The following NAV2 variants were observed in gnomAD, a reference collection of about 807,000 sequenced individuals.
NAV2 encodes neuron navigator 2, also known as helicase, APC down-regulated 1.
Under a neutral mutation model 223.2 loss-of-function variants are expected in NAV2, and 54 were observed. The ratio of observed to expected loss-of-function variants is 0.24; its 90% CI spans 0.19 to 0.30. The LOEUF (loss-of-function observed/expected upper bound fraction) is 0.30, where lower values mean the gene tolerates loss of function less well. Among genes scored for constraint, NAV2 ranks in the 10% least tolerant of loss-of-function variants. NAV2 has a pLI of 1.00. For synonymous variants in NAV2, 1,279 were observed against 1,239.3 expected (o/e 1.03, Z -0.67); for missense variants, 2,806 against 3,147.5 (o/e 0.89, Z 2.60).
At chr11:19,894,107 T>C (rs891069137) in intron 6 of NAV2, among the ~76,000 whole-genome samples, 1 of 152,238 alleles carries the variant, frequency 6.6e-6, no homozygotes, top group Non-Finnish European at 1.5e-5. Context: ...AGCTAAACTT[T>C]ATGAGTACCT....
At chr11:19,898,606 T>C (rs1305512885) in intron 6 of NAV2, among the ~76,000 whole-genome samples, 1 of 152,232 alleles carries the variant, frequency 6.6e-6, no homozygotes, top group Non-Finnish European at 1.5e-5. Context: ...TTATGTTGTT[T>C]CCAATTTTTT....
chr11:19,350,692 C>T (rs1007588488), upstream of NAV2: 12 of 503,156 alleles, frequency 2.4e-5, no homozygotes, highest in Middle Eastern at 1.1e-3. Context: ...TGAAGCGAGT[C>T]TCAGACCTAA....
intron 4 of NAV2, among the ~76,000 whole-genome samples, chr11:19,872,451 CT>C (rs1183920273): frequency 6.6e-6 from 1 of 152,266 alleles, no homozygotes; most frequent in East Asian, 1.9e-4. Flanking sequence ...GTGTGTGCTA[CT>C]GCACATTACT....
At chr11:19,694,963 A>T (rs1242400530) in intron 1 of NAV2, among the ~76,000 whole-genome samples, 2 of 152,014 alleles carry the variant, frequency 1.3e-5, no homozygotes, top group African/African-American at 2.4e-5. Context: ...GGCGGGTGTG[A>T]CCTGATACTC....
rs1415676990 is a variant in NAV2, at chr11:20,068,806, T to C, written c.4983+408T>C. On this transcript the variant is annotated intron_variant, in intron 22 of 37. Transcript: ENST00000349880. ...TAGGGCTTTTCAATATCTAGGTAGC[T>C]GCTCTGTCATTGTGATATACACGAT... Among the ~76,000 whole-genome samples the C allele has an allele frequency of 2.6e-5, 4 of 152,190 alleles. No homozygotes were observed. The East Asian group carries it at 7.7e-4, about 29-fold the overall frequency.
chr11:19,359,551 C>T (rs1853813261), intron 1 of NAV2, among the ~76,000 whole-genome samples: 1 of 152,148 alleles, frequency 6.6e-6, no homozygotes, highest in Non-Finnish European at 1.5e-5. Context: ...ATTGTGAGAG[C>T]AAGTAATGAG....
intron 11 of NAV2, among the ~76,000 whole-genome samples, chr11:20,001,470 A>G (rs1006381636): frequency 1.3e-5 from 2 of 152,112 alleles, no homozygotes; most frequent in Admixed American, 6.5e-5. Context: ...AATGAACTCC[A>G]GTTTTAGATG....
chr11:19,700,263 G>A (rs1052663991), intron 1 of NAV2, among the ~76,000 whole-genome samples: 12 of 152,164 alleles, frequency 7.9e-5, no homozygotes, highest in African/African-American at 2.9e-4. Flanking sequence ...TGAGAAACCT[G>A]AGGCACAGAG....
At chr11:20,048,471 T>C (rs906258768) in intron 14 of NAV2, among the ~76,000 whole-genome samples, 8 of 152,194 alleles carry the variant, frequency 5.3e-5, no homozygotes, top group Non-Finnish European at 1.2e-4. Flanking sequence ...AAATTATTAC[T>C]CATGGCTCTT....
intron 4 of NAV2, among the ~76,000 whole-genome samples, chr11:19,875,845 G>A (rs914520695): frequency 1.3e-5 from 2 of 152,054 alleles, no homozygotes; most frequent in East Asian, 1.9e-4. Flanking sequence ...GGACACCAGC[G>A]ACTGTGGCAC....
At chr11:19,996,015 A>G (rs1808908) in intron 11 of NAV2, among the ~76,000 whole-genome samples, 24,717 of 152,156 alleles carry the variant, frequency 0.16, 2,586 homozygotes, top group East Asian at 0.52. Context: ...CAGGCTTTGC[A>G]TGGTACTCCT....
rs75494019 is a variant in NAV2 at position 20,053,945 on chromosome 11, G to A, written c.4482-135G>A. 9,888 of 903,788 alleles carry A rather than the reference G, an allele frequency of 0.011. 496 individuals are homozygous for A. In the African/African-American group the frequency reaches 0.13, roughly 12 times the overall value. The allele number at this position is 903,788 out of a possible 1,614,324, so 56.0% of individuals were successfully genotyped here. On this transcript the variant is annotated intron_variant, in intron 17 of 37. Transcript: ENST00000349880. ...TGAGAAACTTCATAAGTTTCAGGACGTGTAGTGATCTGATTTTAAAAAAAA... is the reference window on the plus strand; with the variant it reads ...TGAGAAACTTCATAAGTTTCAGGACATGTAGTGATCTGATTTTAAAAAAAA...
chr11:19,402,972 C>T (rs933226464), intron 1 of NAV2, among the ~76,000 whole-genome samples: 50 of 152,192 alleles, frequency 3.3e-4, no homozygotes, highest in Admixed American at 1.3e-3. Context: ...CTAATGCAAT[C>T]GGGAGTGGCG....
At chr11:19,419,585 G>T (rs1240957096) in intron 1 of NAV2, among the ~76,000 whole-genome samples, 1 of 152,134 alleles carries the variant, frequency 6.6e-6, no homozygotes, top group Non-Finnish European at 1.5e-5. Flanking sequence ...TGATAGAAAT[G>T]CATATTCCAA....
intron 1 of NAV2, among the ~76,000 whole-genome samples, chr11:19,797,876 A>G (rs563284585): frequency 6.6e-6 from 1 of 152,282 alleles, no homozygotes; most frequent in Non-Finnish European, 1.5e-5. Context: ...AGCTTTCACC[A>G]TGATGGGCAT....
At chr11:19,812,291 T>C (rs1278902244) in intron 1 of NAV2, among the ~76,000 whole-genome samples, 1 of 152,066 alleles carries the variant, frequency 6.6e-6, no homozygotes, top group Non-Finnish European at 1.5e-5. Context: ...TCTTATCAGT[T>C]GGGTCTCTAA....
At chr11:19,353,415 A>G (rs549905871) in intron 1 of NAV2, among the ~76,000 whole-genome samples, 3 of 152,164 alleles carry the variant, frequency 2.0e-5, no homozygotes, top group Non-Finnish European at 4.4e-5. Context: ...GGGTACGTGC[A>G]TATACCTTCT....
chr11:19,368,881 A>G (rs1317565746), intron 1 of NAV2, among the ~76,000 whole-genome samples: 1 of 152,162 alleles, frequency 6.6e-6, no homozygotes, highest in African/African-American at 2.4e-5. Flanking sequence ...TGAAAAGGAG[A>G]CATGGCTCAG....
At chr11:19,807,368 A>C (rs2058628722) in intron 1 of NAV2, among the ~76,000 whole-genome samples, 1 of 152,208 alleles carries the variant, frequency 6.6e-6, no homozygotes, top group Non-Finnish European at 1.5e-5. Context: ...ACAGAAGACA[A>C]AGATGCTTAT....
Sources: gnomAD v4.1 joint callset for allele counts (sites outside exome capture counted in the v4.1 genomes callset) on GRCh38, gnomAD v4.1.1 for gene constraint, MANE v1.5 for transcripts, NCBI Gene and HGNC (gene_info 2026-07-23, HGNC 2026-07-21) for gene names.